Variants in SYT1 observed in about 807,000 individuals in gnomAD.
SYT1 encodes the protein synaptotagmin-1.
SYT1 carries 8 observed loss-of-function variants against 44.8 expected under a neutral mutation model. The observed-to-expected ratio is 0.18, with a 90% CI of 0.10 to 0.32. The LOEUF (loss-of-function observed/expected upper bound fraction) is 0.32, where lower values mean the gene tolerates loss of function less well. Ranked by LOEUF, SYT1 falls within the 10% of genes least tolerant of loss-of-function variation. The pLI, the probability that SYT1 is intolerant of heterozygous loss-of-function variation, is 1.00. For synonymous variants in SYT1, 154 were observed against 188.8 expected (o/e 0.82, Z 1.51); for missense variants, 286 against 509.3 (o/e 0.56, Z 4.22).
chr12:79,095,018 C>T (rs1412068359), intron 3 of SYT1, among the ~76,000 whole-genome samples: 1 of 151,938 alleles, frequency 6.6e-6, no homozygotes, highest in Non-Finnish European at 1.5e-5. Flanking sequence ...TTGTGGGTCT[C>T]TCAACCTTTT....
intron 8 of SYT1, among the ~76,000 whole-genome samples, chr12:79,304,225 A>AT (rs1298077530): frequency 1.1e-4 from 17 of 152,210 alleles, no homozygotes; most frequent in Admixed American, 1.1e-3. Context: ...GTGAAAAACT[A>AT]TTTTTGAATG....
chr12:79,216,698 G>A (rs1269071827), intron 3 of SYT1, among the ~76,000 whole-genome samples: 1 of 151,980 alleles, frequency 6.6e-6, no homozygotes, highest in East Asian at 1.9e-4. Context: ...GCATATTTTG[G>A]AGGTAAACAA....
chr12:78,980,277 A>T (rs751936393), intron 2 of SYT1, among the ~76,000 whole-genome samples: 4 of 152,214 alleles, frequency 2.6e-5, no homozygotes, highest in African/African-American at 9.7e-5. Context: ...TAGTTCTAGT[A>T]GAAAGACTAC....
intron 2 of SYT1, among the ~76,000 whole-genome samples, chr12:78,991,060 G>A (rs2137483736): frequency 6.6e-6 from 1 of 152,172 alleles, no homozygotes; most frequent in African/African-American, 2.4e-5. Flanking sequence ...CAAAACAACA[G>A]CATTTGTATT....
chr12:78,869,162 A>G (rs2137031760), intron 1 of SYT1, among the ~76,000 whole-genome samples: 1 of 152,008 alleles, frequency 6.6e-6, no homozygotes, highest in East Asian at 1.9e-4. Context: ...CTTGACTTAA[A>G]CTTCTCCACT....
At chr12:78,927,915 C>G (rs1360507654) in intron 1 of SYT1, among the ~76,000 whole-genome samples, 1 of 152,134 alleles carries the variant, frequency 6.6e-6, no homozygotes, top group East Asian at 1.9e-4. Flanking sequence ...TTTCCCTATG[C>G]TTTCACTCAA....
At chr12:79,257,032 C>A (rs1335517170) in intron 4 of SYT1, among the ~76,000 whole-genome samples, 1 of 152,040 alleles carries the variant, frequency 6.6e-6, no homozygotes, top group Non-Finnish European at 1.5e-5. Context: ...GTGTTTATGG[C>A]CAAGATAAAT....
At chr12:79,428,947 A>G (rs1051368246) in intron 9 of SYT1, among the ~76,000 whole-genome samples, 1 of 152,160 alleles carries the variant, frequency 6.6e-6, no homozygotes, top group African/African-American at 2.4e-5. Context: ...GGAATCACAC[A>G]ACAAGAGAAG....
At chr12:78,889,176 T>C (rs1402336790) in intron 1 of SYT1, among the ~76,000 whole-genome samples, 2 of 151,930 alleles carry the variant, frequency 1.3e-5, no homozygotes, top group East Asian at 3.9e-4. Flanking sequence ...TAAGAACTAG[T>C]TCAGGATTTC....
chr12:79,300,055 T>C (rs1880060527), intron 8 of SYT1, among the ~76,000 whole-genome samples: 1 of 152,158 alleles, frequency 6.6e-6, no homozygotes, highest in South Asian at 2.1e-4. Flanking sequence ...TCAAATATAA[T>C]TCACAAAGCC....
At chr12:79,207,354 T>G (rs1381922265) in intron 3 of SYT1, among the ~76,000 whole-genome samples, 1 of 152,142 alleles carries the variant, frequency 6.6e-6, no homozygotes, top group Non-Finnish European at 1.5e-5. Flanking sequence ...GAAAACAAAG[T>G]TTTTTGTTTG....
chr12:79,201,687 T>G (rs1197333443), intron 3 of SYT1, among the ~76,000 whole-genome samples: 1 of 152,178 alleles, frequency 6.6e-6, no homozygotes, highest in Non-Finnish European at 1.5e-5. Context: ...TGAAATAAAC[T>G]TGGAGTCCTA....
chr12:79,034,276 T>C (rs950592735), intron 2 of SYT1, among the ~76,000 whole-genome samples: 1 of 151,594 alleles, frequency 6.6e-6, no homozygotes, highest in Non-Finnish European at 1.5e-5. Context: ...CTCAATAAAT[T>C]AGTAAATCTG....
At chr12:79,206,803 AC>A (rs1415399410) in intron 3 of SYT1, among the ~76,000 whole-genome samples, 1 of 152,256 alleles carries the variant, frequency 6.6e-6, no homozygotes, top group African/African-American at 2.4e-5. Flanking sequence ...TTTCTTGATT[AC>A]AAGGTGCAGA....
chr12:79,301,126 C>A lies in SYT1; in HGVS notation c.810+1575C>A, dbSNP rs191280879. 4.6e-5 allele frequency among the ~76,000 whole-genome samples: 7 copies of A among 151,896 alleles called. No individual in the cohort carries two copies. In the East Asian group the frequency reaches 1.4e-3, roughly 29 times the overall value. On this transcript the variant is annotated intron_variant, in intron 8 of 10. Transcript: ENST00000261205. Reference sequence around the variant, plus strand: ...AAATTTTTTGGGTGATAAAGTAGGACCATAAGAAATGTTTATTAACTGATT... The same window carrying A: ...AAATTTTTTGGGTGATAAAGTAGGAACATAAGAAATGTTTATTAACTGATT...
At chr12:78,914,786 T>C (rs531561413) in intron 1 of SYT1, among the ~76,000 whole-genome samples, 12 of 152,198 alleles carry the variant, frequency 7.9e-5, no homozygotes, top group African/African-American at 2.9e-4. Context: ...ATTATTTTGT[T>C]TTCTATGTAT....
intron 1 of SYT1, among the ~76,000 whole-genome samples, chr12:78,967,906 C>A (rs1234590044): frequency 1.3e-5 from 2 of 151,978 alleles, no homozygotes; most frequent in African/African-American, 4.8e-5. Context: ...GACACGGAAC[C>A]AAAATTTTGA....
chr12:78,888,439 G>A (rs1430876810), intron 1 of SYT1, among the ~76,000 whole-genome samples: 9 of 151,852 alleles, frequency 5.9e-5, no homozygotes, highest in Non-Finnish European at 1.0e-4. Flanking sequence ...GATTTTGAAA[G>A]TTGTAAGACA....
rs73355546 is a variant in SYT1 at position 79,118,463 on chromosome 12, G to C, written c.-18+71101G>C. Reference sequence around the variant, plus strand: ...ATTCAAGTCTATATACAATTTTCTTGTGCTAATCTTGATGTAAAAACTAAT... The same window carrying C: ...ATTCAAGTCTATATACAATTTTCTTCTGCTAATCTTGATGTAAAAACTAAT... On this transcript the variant is annotated intron_variant, in intron 3 of 10. Coordinates refer to ENST00000261205, the MANE Select transcript of SYT1 (RefSeq NM_005639.3). Among the ~76,000 whole-genome samples, 1,243 of 152,240 alleles carry C rather than the reference G, an allele frequency of 8.2e-3. 18 individuals carry two copies. The highest frequency in any genetic ancestry group is 0.029 in the African/African-American group (1,186 of 41,544).
Sources: gnomAD v4.1 joint callset for allele counts (sites outside exome capture counted in the v4.1 genomes callset) on GRCh38, gnomAD v4.1.1 for gene constraint, MANE v1.5 for transcripts, NCBI Gene and HGNC (gene_info 2026-07-23, HGNC 2026-07-21) for gene names.